EDIL3: variants seen among roughly 807,000 people sequenced by gnomAD.
EDIL3 encodes EGF like and discoidin domains 3.
EDIL3 carries 37 observed loss-of-function variants against 67.4 expected under a neutral mutation model. The observed-to-expected ratio is 0.55, with a 90% CI of 0.42 to 0.72. EDIL3 has a LOEUF of 0.72. EDIL3 is among the 30% of genes least tolerant of loss of function. The pLI is 0.00. For synonymous variants in EDIL3, 195 were observed against 196.3 expected, an observed-to-expected ratio of 0.99 and a Z score of 0.05; for missense variants, 527 against 586.3, an observed-to-expected ratio of 0.90 and a Z score of 1.04.
rs189038272 is a variant in EDIL3, at chr5:83,963,903, G to A, written c.1138-543C>T. On this transcript the variant is annotated intron_variant, in intron 9 of 10. Coordinates refer to ENST00000296591, the MANE Select transcript of EDIL3 (RefSeq NM_005711.5). Reference sequence around the variant, plus strand: ...TTAATCAATTCAATAATATATAATTGAGTAATAGTAATCATTGTCCAGTGA... The same window carrying A: ...TTAATCAATTCAATAATATATAATTAAGTAATAGTAATCATTGTCCAGTGA... Among the ~76,000 whole-genome samples, 658 of 151,738 alleles carry A rather than the reference G, an allele frequency of 4.3e-3. 6 individuals are homozygous for A. Among genetic ancestry groups the A allele is most frequent in the African/African-American group, 0.015 (634 of 41,432 alleles).
chr5:84,285,292 A>T (rs1745788094), intron 1 of EDIL3, among the ~76,000 whole-genome samples: 1 of 152,236 alleles, frequency 6.6e-6, no homozygotes, highest in Non-Finnish European at 1.5e-5. Flanking sequence ...TTCCAACAGA[A>T]ATAGGTGTGT....
In EDIL3 at chr5:83,968,765, A is replaced by T. The variant is rs1286151249; in HGVS notation, c.1138-5405T>A. ...AACTTATGATTGTTGTCAGCTTATAACTATTAATTTTTAAAAGAATTTATT... is the reference window on the plus strand; with the variant it reads ...AACTTATGATTGTTGTCAGCTTATATCTATTAATTTTTAAAAGAATTTATT... On this transcript the variant is annotated intron_variant, in intron 9 of 10. Coordinates refer to ENST00000296591, the MANE Select transcript of EDIL3 (RefSeq NM_005711.5). Among the ~76,000 whole-genome samples the T allele has an allele frequency of 3.3e-5, 5 of 152,036 alleles. No homozygotes were observed. In the East Asian group the frequency reaches 9.7e-4, roughly 29 times the overall value.
At chr5:84,184,131 A>T (rs1685062406) in intron 3 of EDIL3, among the ~76,000 whole-genome samples, 1 of 152,086 alleles carries the variant, frequency 6.6e-6, no homozygotes, top group African/African-American at 2.4e-5. Flanking sequence ...CAAAACAACA[A>T]CAACAAAAAA....
chr5:84,235,357 A>T (rs527956410), intron 2 of EDIL3, among the ~76,000 whole-genome samples: 1 of 152,282 alleles, frequency 6.6e-6, no homozygotes, highest in South Asian at 2.1e-4. Context: ...TTTGCATAGA[A>T]AATGCTTGAA....
At chr5:84,368,635 A>C (rs1747785841) in intron 1 of EDIL3, among the ~76,000 whole-genome samples, 1 of 152,188 alleles carries the variant, frequency 6.6e-6, no homozygotes, top group South Asian at 2.1e-4. Flanking sequence ...AATTGGACTT[A>C]TAAACATTAA....
intron 4 of EDIL3, among the ~76,000 whole-genome samples, chr5:84,152,575 C>G (rs1477999317): frequency 1.3e-5 from 2 of 152,148 alleles, no homozygotes; most frequent in East Asian, 1.9e-4. Flanking sequence ...GACTTGTGAA[C>G]TGGACTAAAT....
chr5:84,167,752 C>T (rs183507387), intron 4 of EDIL3, among the ~76,000 whole-genome samples: 1 of 152,198 alleles, frequency 6.6e-6, no homozygotes, highest in Non-Finnish European at 1.5e-5. Context: ...AAACCAAGAC[C>T]TGTTATTATC....
chr5:84,189,535 C>T (rs1743536314), intron 3 of EDIL3, among the ~76,000 whole-genome samples: 1 of 151,872 alleles, frequency 6.6e-6, no homozygotes, highest in Admixed American at 6.6e-5. Flanking sequence ...TAACCAATCA[C>T]AGCAAAAGAG....
intron 9 of EDIL3, among the ~76,000 whole-genome samples, chr5:84,035,386 T>A (rs994691258): frequency 2.6e-5 from 4 of 152,134 alleles, no homozygotes; most frequent in African/African-American, 4.8e-5. Context: ...TATTTTAAAC[T>A]TTTTTAGCTA....
chr5:84,373,770 G>T (rs1161273611), intron 1 of EDIL3, among the ~76,000 whole-genome samples: 1 of 152,088 alleles, frequency 6.6e-6, no homozygotes, highest in East Asian at 1.9e-4. Context: ...CAGTAGGAAT[G>T]AAGGGTGAGG....
intron 1 of EDIL3, among the ~76,000 whole-genome samples, chr5:84,304,355 A>G (rs773266780): frequency 6.6e-6 from 1 of 152,236 alleles, no homozygotes; most frequent in Non-Finnish European, 1.5e-5. Flanking sequence ...GTGCACCAAA[A>G]TTGTGTGAGC....
chr5:83,996,667 C>A (rs1227637889), intron 9 of EDIL3, among the ~76,000 whole-genome samples: 2 of 152,092 alleles, frequency 1.3e-5, no homozygotes, highest in African/African-American at 4.8e-5. Flanking sequence ...CAGGAAGTAA[C>A]AATGCAAGGT....
intron 4 of EDIL3, 111 bp downstream of exon 4, chr5:84,180,282 G>C (rs1436770340): frequency 3.2e-6 from 4 of 1,253,456 alleles, no homozygotes; most frequent in Non-Finnish European, 4.2e-6. Context: ...GCCAAAGCCA[G>C]GGCTCTCTTC....
chr5:84,070,324 C>T (rs1746714815), intron 6 of EDIL3, among the ~76,000 whole-genome samples: 1 of 152,150 alleles, frequency 6.6e-6, no homozygotes, highest in Non-Finnish European at 1.5e-5. Context: ...ACTAAAAGAG[C>T]ACACTGTAAC....
chr5:84,259,840 T>C (rs1745192938), intron 1 of EDIL3, among the ~76,000 whole-genome samples: 2 of 152,134 alleles, frequency 1.3e-5, no homozygotes, highest in African/African-American at 4.8e-5. Context: ...TATAAAATAC[T>C]ACTTGGTATT....
At position 84,030,500 on chromosome 5, in the gene EDIL3, T is replaced by A. The variant is rs1745900178; in HGVS notation, c.1137+29800A>T. Reference sequence around the variant, plus strand: ...AATTTTCCAAGATACAGTTGGGATATGAAAAAATCGCACAAGAACATGTAT... The same window carrying A: ...AATTTTCCAAGATACAGTTGGGATAAGAAAAAATCGCACAAGAACATGTAT... On this transcript the variant is annotated intron_variant, in intron 9 of 10. Transcript: ENST00000296591. Among the ~76,000 whole-genome samples, 9 of 130,244 alleles carry A rather than the reference T, an allele frequency of 6.9e-5. No homozygotes were observed. The Admixed American group carries it at 7.1e-4, about 10-fold the overall frequency. 85.4% of individuals were successfully genotyped at this position (130,244 alleles called of 152,430 possible).
At chr5:84,063,302 C>G (rs957816166) in intron 8 of EDIL3, among the ~76,000 whole-genome samples, 1 of 152,034 alleles carries the variant, frequency 6.6e-6, no homozygotes, top group Non-Finnish European at 1.5e-5. Flanking sequence ...TGACACTGGT[C>G]TGTGGTGATA....
chr5:84,125,026 T>C (rs1479361066), intron 5 of EDIL3, among the ~76,000 whole-genome samples: 2 of 151,994 alleles, frequency 1.3e-5, no homozygotes, highest in African/African-American at 4.8e-5. Context: ...AATTGATCAT[T>C]CATGAAGACA....
At chr5:84,099,178 A>C (rs1037338955) in intron 6 of EDIL3, among the ~76,000 whole-genome samples, 3 of 152,208 alleles carry the variant, frequency 2.0e-5, no homozygotes, top group African/African-American at 7.2e-5. Context: ...ATACTGTCCA[A>C]AGTAATTCAT....
Sources: gnomAD v4.1 joint callset for allele counts (sites outside exome capture counted in the v4.1 genomes callset) on GRCh38, gnomAD v4.1.1 for gene constraint, MANE v1.5 for transcripts, NCBI Gene and HGNC (gene_info 2026-07-23, HGNC 2026-07-21) for gene names.